Variants in NRXN3 observed in about 807,000 individuals in gnomAD.
NRXN3 encodes neurexin 3.
NRXN3 carries 32 observed loss-of-function variants against 137.6 expected under a neutral mutation model. The observed-to-expected ratio is 0.23, with a 90% confidence interval of 0.18 to 0.31. The LOEUF (loss-of-function observed/expected upper bound fraction) is 0.31. Ranked by LOEUF, NRXN3 falls within the 10% of genes least tolerant of loss-of-function variation. The pLI, the probability that NRXN3 is intolerant of heterozygous loss-of-function variation, is 1.00. For synonymous variants in NRXN3, 798 were observed against 784.5 expected, an observed-to-expected ratio of 1.02 and a Z score of -0.29; for missense variants, 1,574 against 2,062.5, an observed-to-expected ratio of 0.76 and a Z score of 4.59.
intron 19 of NRXN3, among the ~76,000 whole-genome samples, chr14:79,749,525 C>T (rs2154087084): frequency 6.6e-6 from 1 of 152,084 alleles, no homozygotes; most frequent in Admixed American, 6.5e-5. Flanking sequence ...CCTTGGCCTC[C>T]CAAAAATCTG....
chr14:78,478,026 C>T (rs960905312), intron 4 of NRXN3, among the ~76,000 whole-genome samples: 1 of 152,152 alleles, frequency 6.6e-6, no homozygotes, highest in East Asian at 1.9e-4. Context: ...ACATAGTGAC[C>T]GAATTGAGAG....
chr14:79,847,360 G>A (rs932843127), intron 20 of NRXN3, among the ~76,000 whole-genome samples: 2 of 152,160 alleles, frequency 1.3e-5, no homozygotes, highest in African/African-American at 4.8e-5. Flanking sequence ...ACCCTTGTGA[G>A]TTGGAGTTAA....
intron 4 of NRXN3, among the ~76,000 whole-genome samples, chr14:78,521,530 G>A (rs913003777): frequency 6.6e-5 from 10 of 152,048 alleles, no homozygotes; most frequent in Admixed American, 5.9e-4. Context: ...TTTTACAATG[G>A]CCACTTAGCC....
intron 4 of NRXN3, among the ~76,000 whole-genome samples, chr14:78,311,622 A>T (rs184870910): frequency 6.6e-6 from 1 of 152,164 alleles, no homozygotes; most frequent in Non-Finnish European, 1.5e-5. Context: ...TCCTCTTCCA[A>T]TGTGGCCAAG....
intron 1 of NRXN3, among the ~76,000 whole-genome samples, chr14:78,210,162 T>A (rs569970298): frequency 4.6e-5 from 7 of 152,306 alleles, no homozygotes; most frequent in African/African-American, 1.4e-4. Context: ...ATGACAGACA[T>A]TTTTTACTCA....
Position 78,968,180 on chromosome 14 carries a change from C to G in NRXN3, c.2976C>G (p.Leu992=), listed in dbSNP as rs1466281820. ...GAKNLDLKGD[L]YMAGLAQGMY... Reference sequence around the variant, plus strand: ...AATTACTTTCCTTTCCAGGTGATCTCTATATGGCTGGTCTGGCCCAAGGCA... The same window carrying G: ...AATTACTTTCCTTTCCAGGTGATCTGTATATGGCTGGTCTGGCCCAAGGCA... Residue 992 remains leucine, a synonymous_variant, in exon 14 of 21, where the codon CTC becomes CTG. Coordinates refer to ENST00000335750, the MANE Select transcript of NRXN3 (RefSeq NM_001330195.2). The G allele has an allele frequency of 6.2e-7, 1 of 1,610,364 alleles. No homozygotes were observed. Among genetic ancestry groups the G allele is most frequent in the Non-Finnish European group, 8.5e-7 (1 of 1,178,036 alleles).
At chr14:79,370,026 T>G (rs1206568102) in intron 15 of NRXN3, among the ~76,000 whole-genome samples, 6 of 152,218 alleles carry the variant, frequency 3.9e-5, no homozygotes, top group Non-Finnish European at 8.8e-5. Context: ...ACATATTGTT[T>G]GGTTAATTTA....
At chr14:79,592,600 T>G (rs895443820) in intron 16 of NRXN3, among the ~76,000 whole-genome samples, 1 of 152,164 alleles carries the variant, frequency 6.6e-6, no homozygotes, top group Admixed American at 6.5e-5. Context: ...ATAGTTAAGA[T>G]CAATTAACCA....
chr14:79,694,490 C>T (rs1295894786), intron 18 of NRXN3, among the ~76,000 whole-genome samples: 2 of 151,520 alleles, frequency 1.3e-5, no homozygotes, highest in African/African-American at 4.9e-5. Context: ...TAAAATAGTT[C>T]TCAGATTAGG....
chr14:79,228,471 A>G (rs779966530), intron 15 of NRXN3, among the ~76,000 whole-genome samples: 20 of 152,216 alleles, frequency 1.3e-4, no homozygotes, highest in Non-Finnish European at 2.1e-4. Context: ...CCAATCAGAT[A>G]CTTGACTAAG....
At chr14:78,495,183 A>G (rs1295420113) in intron 4 of NRXN3, among the ~76,000 whole-genome samples, 1 of 146,112 alleles carries the variant, frequency 6.8e-6, no homozygotes, top group Non-Finnish European at 1.5e-5. Flanking sequence ...GTTGGTACAT[A>G]CTTGAGATGT....
intron 15 of NRXN3, among the ~76,000 whole-genome samples, chr14:79,140,048 G>A (rs368109032): frequency 5.9e-5 from 9 of 151,766 alleles, no homozygotes; most frequent in African/African-American, 1.9e-4. Context: ...CATTTGGAAC[G>A]CTGTATTTGT....
chr14:79,404,654 A>T (rs371925359), intron 15 of NRXN3, among the ~76,000 whole-genome samples: 1 of 152,190 alleles, frequency 6.6e-6, no homozygotes, highest in South Asian at 2.1e-4. Context: ...AGATTTAAAA[A>T]TGTATAAAGG....
chr14:78,441,467 G>A (rs2094244617), intron 4 of NRXN3, among the ~76,000 whole-genome samples: 1 of 151,998 alleles, frequency 6.6e-6, no homozygotes, highest in African/African-American at 2.4e-5. Context: ...CAGAAGACTT[G>A]ACCTTGCTTT....
At chr14:78,176,227 T>G (rs766976317) in intron 1 of NRXN3, among the ~76,000 whole-genome samples, 12 of 152,170 alleles carry the variant, frequency 7.9e-5, no homozygotes, top group Non-Finnish European at 1.6e-4. Flanking sequence ...AGAAAGGGCT[T>G]CTCTATCCCT....
chr14:79,222,780 A>G (rs1167321639), intron 15 of NRXN3, among the ~76,000 whole-genome samples: 2 of 152,124 alleles, frequency 1.3e-5, no homozygotes, highest in Admixed American at 6.6e-5. Context: ...GTGACAAATG[A>G]TACAGAGAAT....
At chr14:78,961,528 T>C (rs1379306174) in intron 11 of NRXN3, among the ~76,000 whole-genome samples, 2 of 152,144 alleles carry the variant, frequency 1.3e-5, no homozygotes, top group African/African-American at 4.8e-5. Flanking sequence ...ATTCAATCAT[T>C]TCGGAGGAAG....
intron 15 of NRXN3, among the ~76,000 whole-genome samples, chr14:79,285,912 A>C (rs1256565620): frequency 8.1e-6 from 1 of 123,640 alleles, no homozygotes; most frequent in Non-Finnish European, 1.6e-5. Context: ...GTAAAACTGT[A>C]CTGTTCAGTG....
intron 8 of NRXN3, among the ~76,000 whole-genome samples, chr14:78,792,218 A>G (rs545417935): frequency 2.3e-5 from 3 of 129,234 alleles, no homozygotes; most frequent in Admixed American, 1.5e-4. Flanking sequence ...AAAAAAAAAC[A>G]AATTATCTGA....
Sources: allele counts gnomAD v4.1 joint callset (sites outside exome capture counted in the v4.1 genomes callset), GRCh38; gene constraint gnomAD v4.1.1; transcripts MANE v1.5; gene names NCBI Gene and HGNC (gene_info 2026-07-23, HGNC 2026-07-21).